MGAT4C: variants seen among roughly 807,000 people sequenced by gnomAD.
MGAT4C encodes the protein alpha-1,3-mannosyl-glycoprotein 4-beta-N-acetylglucosaminyltransferase C.
MGAT4C carries 19 observed loss-of-function variants against 40.1 expected under a neutral mutation model. That is an observed-to-expected ratio of 0.47 (90% CI 0.33 to 0.70). The LOEUF (loss-of-function observed/expected upper bound fraction) is 0.70, where lower values mean the gene tolerates loss of function less well. Ranked by LOEUF, MGAT4C falls within the 30% of genes least tolerant of loss-of-function variation. The probability of loss-of-function intolerance (pLI) is 0.02; values close to 1 mark genes in which losing one functional copy is unlikely to be tolerated. For synonymous variants in MGAT4C, 181 were observed against 187.1 expected (o/e 0.97, Z 0.27); for missense variants, 491 against 563.2 (o/e 0.87, Z 1.30).
At chr12:86,441,173 A>T (rs1364736426) in intron 2 of MGAT4C, among the ~76,000 whole-genome samples, 3 of 152,024 alleles carry the variant, frequency 2.0e-5, no homozygotes, top group Admixed American at 1.3e-4. Context: ...TTCTAAGCAA[A>T]AAGAACAAAT....
At chr12:86,408,033 A>T (rs944797082) in intron 3 of MGAT4C, among the ~76,000 whole-genome samples, 1 of 152,056 alleles carries the variant, frequency 6.6e-6, no homozygotes, top group African/African-American at 2.4e-5. Flanking sequence ...GTTGCCAGGC[A>T]ACTTCCTTGG....
chr12:86,039,487 A>G (rs1309617815), intron 2 of MGAT4C, among the ~76,000 whole-genome samples: 1 of 152,102 alleles, frequency 6.6e-6, no homozygotes, highest in Non-Finnish European at 1.5e-5. Flanking sequence ...AATATCTGAT[A>G]TCCTTTCTTC....
At chr12:86,803,124 A>C (rs1048811786) in intron 1 of MGAT4C, among the ~76,000 whole-genome samples, 1 of 148,228 alleles carries the variant, frequency 6.7e-6, no homozygotes, top group Non-Finnish European at 1.5e-5. Flanking sequence ...ACCTACAACT[A>C]TCTGATCTTT....
chr12:86,734,880 G>C (rs899851365), intron 1 of MGAT4C, among the ~76,000 whole-genome samples: 8 of 152,072 alleles, frequency 5.3e-5, no homozygotes, highest in African/African-American at 1.9e-4. Context: ...GTTACCATCT[G>C]CTGTATTTGT....
intron 1 of MGAT4C, among the ~76,000 whole-genome samples, chr12:86,099,277 T>C (rs1024549165): frequency 1.3e-5 from 2 of 151,418 alleles, no homozygotes; most frequent in African/African-American, 4.8e-5. Flanking sequence ...TTTTTTCATA[T>C]AGAACTTTCA....
At chr12:86,828,822 A>G (rs527610392) in intron 1 of MGAT4C, among the ~76,000 whole-genome samples, 1 of 151,690 alleles carries the variant, frequency 6.6e-6, no homozygotes, top group East Asian at 1.9e-4. Context: ...ATAGAGAGAA[A>G]AAAAGGAGAC....
At chr12:86,577,525 C>T (rs555612422) in intron 2 of MGAT4C, among the ~76,000 whole-genome samples, 1 of 151,734 alleles carries the variant, frequency 6.6e-6, no homozygotes, top group African/African-American at 2.4e-5. Flanking sequence ...AAGGGACATT[C>T]TTCAGCATCA....
rs552195400 is a variant in MGAT4C, at chr12:86,587,508, G to A, written c.-229+139701C>T. Among the ~76,000 whole-genome samples, 43 of 152,000 alleles carry A rather than the reference G, an allele frequency of 2.8e-4. 1 individual carries two copies. The highest frequency in any genetic ancestry group is 1.2e-3 in the Admixed American group (19 of 15,246). On this transcript the variant is annotated intron_variant, in intron 2 of 7. Transcript: ENST00000548651. ...GAAGAAAGTCATTGGTAGCTTGATG[G>A]GGATGGCATTGAATCTATAAATTAC...
At chr12:86,153,262 G>A (rs1475083856) in intron 1 of MGAT4C, among the ~76,000 whole-genome samples, 1 of 152,032 alleles carries the variant, frequency 6.6e-6, no homozygotes, top group Non-Finnish European at 1.5e-5. Flanking sequence ...TTACATTTAG[G>A]CCACTAAGGA....
chr12:86,609,222 T>A (rs1397617173), intron 2 of MGAT4C, among the ~76,000 whole-genome samples: 2 of 152,050 alleles, frequency 1.3e-5, no homozygotes, highest in Admixed American at 6.6e-5. Context: ...GACAGGATAA[T>A]CAAAGACTCA....
chr12:86,211,129 G>A (rs776773487), intron 1 of MGAT4C, among the ~76,000 whole-genome samples: 12 of 151,318 alleles, frequency 7.9e-5, no homozygotes, highest in Non-Finnish European at 1.3e-4. Flanking sequence ...AACTGCTTCT[G>A]TGGGTCTTTC....
At chr12:86,097,197 T>A (rs1228604202) in intron 1 of MGAT4C, among the ~76,000 whole-genome samples, 1 of 151,678 alleles carries the variant, frequency 6.6e-6, no homozygotes, top group Non-Finnish European at 1.5e-5. Context: ...GATTCAACAG[T>A]CTGTTGCTAT....
rs182509271 is a variant in MGAT4C at position 86,536,795 on chromosome 12, T to C, written c.-228-101530A>G. Among the ~76,000 whole-genome samples, 6 of 152,324 alleles carry C rather than the reference T, an allele frequency of 3.9e-5. No homozygotes were observed. The East Asian group carries it at 1.2e-3, about 29-fold the overall frequency. Reference sequence around the variant, plus strand: ...AAAATTTAAAAATCAACAGTTATTGTGGAAGTCAGTGTGGCGATTCCTCAG... The same window carrying C: ...AAAATTTAAAAATCAACAGTTATTGCGGAAGTCAGTGTGGCGATTCCTCAG... On this transcript the variant is annotated intron_variant, in intron 2 of 7. Coordinates refer to the MGAT4C transcript ENST00000548651.
At chr12:86,473,514 G>A (rs1957785275) in intron 2 of MGAT4C, among the ~76,000 whole-genome samples, 4 of 152,122 alleles carry the variant, frequency 2.6e-5, no homozygotes. Flanking sequence ...TTACAATTAA[G>A]AAAAGATCTT....
At chr12:86,007,349 C>A (rs560632284) in intron 2 of MGAT4C, among the ~76,000 whole-genome samples, 2 of 152,084 alleles carry the variant, frequency 1.3e-5, no homozygotes, top group South Asian at 2.1e-4. Context: ...TCAATCTATG[C>A]TTTAGCACAG....
chr12:86,215,958 T>G (rs772271046), intron 1 of MGAT4C, among the ~76,000 whole-genome samples: 9 of 152,160 alleles, frequency 5.9e-5, no homozygotes, highest in African/African-American at 1.4e-4. Flanking sequence ...CAATTTTTAC[T>G]GAACTGGGAT....
chr12:86,370,593 G>A (rs533547696), intron 3 of MGAT4C, among the ~76,000 whole-genome samples: 46 of 152,032 alleles, frequency 3.0e-4, no homozygotes, highest in African/African-American at 6.0e-4. Flanking sequence ...GGAAATAACC[G>A]GAATAGATTT....
At chr12:86,362,816 G>A (rs1421243334) in intron 3 of MGAT4C, among the ~76,000 whole-genome samples, 2 of 135,992 alleles carry the variant, frequency 1.5e-5, no homozygotes, top group Non-Finnish European at 3.0e-5. Flanking sequence ...GCAGTGAGCC[G>A]AGATCACGCT....
intron 1 of MGAT4C, among the ~76,000 whole-genome samples, chr12:86,233,494 T>C (rs1293188933): frequency 1.3e-5 from 2 of 152,176 alleles, no homozygotes; most frequent in Admixed American, 1.3e-4. Flanking sequence ...GTAGAAACTT[T>C]GATTCCTCTG....
Sources: allele counts gnomAD v4.1 joint callset (sites outside exome capture counted in the v4.1 genomes callset), GRCh38; gene constraint gnomAD v4.1.1; transcripts MANE v1.5; gene names NCBI Gene and HGNC (gene_info 2026-07-23, HGNC 2026-07-21).